Variants in KCNQ1 observed in about 807,000 individuals in gnomAD.
KCNQ1 encodes potassium voltage-gated channel subfamily Q member 1, also known as potassium voltage-gated channel subfamily KQT member 1.
A neutral mutation model predicts 72.4 loss-of-function variants in KCNQ1; 49 were observed. The observed-to-expected ratio is 0.68, with a 90% CI of 0.54 to 0.86. The LOEUF (loss-of-function observed/expected upper bound fraction) is 0.86, where lower values mean the gene tolerates loss of function less well. KCNQ1 is among the 40% of genes least tolerant of loss of function. The probability of loss-of-function intolerance (pLI) is 0.00; values close to 1 mark genes in which losing one functional copy is unlikely to be tolerated. For missense variants in KCNQ1, 790 were observed against 945.1 expected (o/e 0.84, Z 2.15); for synonymous variants, 450 against 412.6 (o/e 1.09, Z -1.10).
At position 2,483,212 on chromosome 11, in the gene KCNQ1, G is replaced by C. The variant is rs570808052; in HGVS notation, c.386+37728G>C. ...AGGGAAGGTGCTGGAGATAGGACGG[G>C]AGGGCCACGAGGGTTAAGATCCTGA... On this transcript the variant is annotated intron_variant, in intron 1 of 15. Transcript: ENST00000155840. This position sits in a 1 kb window ranked among gnomAD's most constrained non-coding sequence, Gnocchi z 6.1. Among the ~76,000 whole-genome samples, 50 of 152,308 alleles carry C rather than the reference G, an allele frequency of 3.3e-4. No homozygotes were observed. Among genetic ancestry groups the C allele is most frequent in the Admixed American group, 1.9e-3 (29 of 15,306 alleles).
At chr11:2,616,430 T>A (rs574697653) in intron 10 of KCNQ1, 3 of 397,920 alleles carry the variant, frequency 7.5e-6, no homozygotes, top group Non-Finnish European at 1.3e-5. Flanking sequence ...ATTCTCTCTT[T>A]TAACTTTAGG....
rs753920071 is a variant in KCNQ1 at position 2,842,313 on chromosome 11, T to G, written c.1795-5454T>G. The stretch of plus-strand genomic sequence containing the variant: ...ACAGGGGGAGCAGCTGGTATGTGTG[T>G]GACCATGGGTCCCAGACTCAGTGCC... On this transcript the variant is annotated intron_variant, in intron 15 of 15. Transcript: ENST00000155840. Among the ~76,000 whole-genome samples the G allele has an allele frequency of 5.3e-5, 8 of 152,214 alleles. No individual in the cohort carries two copies. In the South Asian group the frequency reaches 1.2e-3, roughly 24 times the overall value.
At position 2,818,553 on chromosome 11, in the gene KCNQ1, A is replaced by G. The variant is rs1381884318; in HGVS notation, c.1795-29214A>G. Among the ~76,000 whole-genome samples, 1 of 152,160 alleles carries G rather than the reference A, an allele frequency of 6.6e-6. No homozygotes were observed. Among genetic ancestry groups the G allele is most frequent in the African/African-American group, 2.4e-5 (1 of 41,438 alleles). On this transcript the variant is annotated intron_variant, in intron 15 of 15. Coordinates refer to ENST00000155840, the MANE Select transcript of KCNQ1 (RefSeq NM_000218.3). The surrounding 1 kb of genome is among the most constrained non-coding windows in gnomAD (Gnocchi z 7.2). ...AGGGGCCTAGAAACCCCTCTCCACC[A>G]GATGCCTTACACCCCCCATCCCCAC...
rs151029555 is a variant in KCNQ1 at position 2,507,285 on chromosome 11, C to T, written c.387-20643C>T. Reference sequence around the variant, plus strand: ...TGAGACCTCTTCCTTAGAAGTTCACCCCACTGGCTGGGGCCTTCACGAGGC... The same window carrying T: ...TGAGACCTCTTCCTTAGAAGTTCACTCCACTGGCTGGGGCCTTCACGAGGC... On this transcript the variant is annotated intron_variant, in intron 1 of 15. Coordinates refer to ENST00000155840, the MANE Select transcript of KCNQ1 (RefSeq NM_000218.3). This position sits in a 1 kb window ranked among gnomAD's most constrained non-coding sequence, Gnocchi z 5.4. 3.7e-3 allele frequency among the ~76,000 whole-genome samples: 570 copies of T among 152,258 alleles called. 2 individuals carry two copies. The highest frequency in any genetic ancestry group is 0.013 in the African/African-American group (544 of 41,556).
Position 2,617,770 on chromosome 11 carries a change from T to G in KCNQ1, c.1393+28916T>G. ...ATCGCATAGTAATTTTGATTTGCAT[T>G]TCCCTGACGATTAGTGATGTTAAAT... On this transcript the variant is annotated intron_variant, in intron 10 of 15. Transcript: ENST00000155840. The surrounding 1 kb of genome is among the most constrained non-coding windows in gnomAD (Gnocchi z 4.6). The G allele has an allele frequency of 2.5e-6, 1 of 398,594 alleles. No homozygotes were observed. Among genetic ancestry groups the G allele is most frequent in the African/African-American group, 2.1e-5 (1 of 48,758 alleles). The allele number at this position is 398,594 out of a possible 1,614,324, so 24.7% of individuals were successfully genotyped here. A position where few individuals can be genotyped will look rare whatever the true frequency, so the allele number is the denominator to read the frequency against.
chr11:2,675,626 T>TATTAGACC, intron 11 of KCNQ1: 1 of 398,628 alleles, frequency 2.5e-6, no homozygotes. Flanking sequence ...AGAGCACCCC[T>TATTAGACC]TATTAGAGGG....
rs760099010 is a variant in KCNQ1 at position 2,457,853 on chromosome 11, G to A, written c.386+12369G>A. On this transcript the variant is annotated intron_variant, in intron 1 of 15. Coordinates refer to ENST00000155840, the MANE Select transcript of KCNQ1 (RefSeq NM_000218.3). This position sits in a 1 kb window ranked among gnomAD's most constrained non-coding sequence, Gnocchi z 5.0. ...ACAGATGTAAGTTAGAAGAGGTTAC[G>A]CAAAAATCCTCCATCCCTGCATTTG... Among the ~76,000 whole-genome samples, 2 of 151,814 alleles carry A rather than the reference G, an allele frequency of 1.3e-5. No homozygotes were observed. The highest frequency in any genetic ancestry group is 1.9e-4 in the East Asian group (1 of 5,156).
intron 15 of KCNQ1, among the ~76,000 whole-genome samples, chr11:2,842,753 C>G (rs570508663): frequency 6.6e-6 from 1 of 152,206 alleles, no homozygotes; most frequent in African/African-American, 2.4e-5. Flanking sequence ...TGCAACTGTA[C>G]GTGCACTCTA....
Position 2,615,159 on chromosome 11 carries a change from G to T in KCNQ1, c.1393+26305G>T, listed in dbSNP as rs1162603051. 5 of 397,832 alleles carry T rather than the reference G, an allele frequency of 1.3e-5. No individual in the cohort carries two copies. In the Admixed American group the frequency reaches 2.2e-4, roughly 18 times the overall value. 24.6% of individuals were successfully genotyped at this position (397,832 alleles called of 1,614,324 possible). A position where few individuals can be genotyped will look rare whatever the true frequency, so the allele number is the denominator to read the frequency against. On this transcript the variant is annotated intron_variant, in intron 10 of 15. Coordinates refer to ENST00000155840, the MANE Select transcript of KCNQ1 (RefSeq NM_000218.3). ...CTATTTTACTCTTTTTGATGCTATT[G>T]TAAGTGGAATTTTAAAAATTGACTT...
chr11:2,638,080 G>A (rs1345963967), intron 10 of KCNQ1: 3 of 152,068 alleles, frequency 2.0e-5, no homozygotes, highest in Non-Finnish European at 4.4e-5. Context: ...GTCTCTGCAC[G>A]TGAGATGGGT....
rs571892728 is a variant in KCNQ1, at chr11:2,628,990, T to A, written c.1394-32971T>A. 1,999 of 398,356 alleles carry A rather than the reference T, an allele frequency of 5.0e-3. 9 individuals carry two copies. Among genetic ancestry groups the A allele is most frequent in the Non-Finnish European group, 7.4e-3 (1,669 of 225,904 alleles). 24.7% of individuals were successfully genotyped at this position (398,356 alleles called of 1,614,324 possible). On this transcript the variant is annotated intron_variant, in intron 10 of 15. Coordinates refer to ENST00000155840, the MANE Select transcript of KCNQ1 (RefSeq NM_000218.3). ...TTGGTTTATTTCTATACCAGTACCA[T>A]AACTTTGAAATATAATTCAAAATAA...
chr11:2,563,877 C>T lies in KCNQ1; in HGVS notation c.478-6751C>T, dbSNP rs1261424693. ...ACAAATGGCTTGTGCTTAGCTATTT[C>T]GTTGAATGCTGAACTAACAATAGTC... On this transcript the variant is annotated intron_variant, in intron 2 of 15. Transcript: ENST00000155840. This position sits in a 1 kb window ranked among gnomAD's most constrained non-coding sequence, Gnocchi z 7.4. 6.6e-6 allele frequency among the ~76,000 whole-genome samples: 1 copy of T among 152,224 alleles called. No homozygotes were observed. Among genetic ancestry groups the T allele is most frequent in the Admixed American group, 6.5e-5 (1 of 15,284 alleles).
At position 2,483,745 on chromosome 11, in the gene KCNQ1, G is replaced by A. The variant is rs116610991; in HGVS notation, c.386+38261G>A. 4.7e-3 allele frequency among the ~76,000 whole-genome samples: 713 copies of A among 152,328 alleles called. 3 individuals are homozygous for A. The highest frequency in any genetic ancestry group is 0.016 in the African/African-American group (683 of 41,568). On this transcript the variant is annotated intron_variant, in intron 1 of 15. Coordinates refer to ENST00000155840, the MANE Select transcript of KCNQ1 (RefSeq NM_000218.3). The surrounding 1 kb of genome is among the most constrained non-coding windows in gnomAD (Gnocchi z 6.1). The stretch of plus-strand genomic sequence containing the variant: ...CCCGAGGAGTCCCTGTGGCAGGGCT[G>A]TGTGAGGTCAGCATGTCTTAGGGCG...
At chr11:2,736,898 G>A (rs1315576281) in intron 11 of KCNQ1, among the ~76,000 whole-genome samples, 4 of 152,188 alleles carry the variant, frequency 2.6e-5, no homozygotes, top group Non-Finnish European at 5.9e-5. Context: ...GTGGCGCAGA[G>A]CCTGGGCCTG....
chr11:2,755,251 T>G (rs1483382496), intron 11 of KCNQ1, among the ~76,000 whole-genome samples: 8 of 151,990 alleles, frequency 5.3e-5, no homozygotes, highest in South Asian at 2.1e-4. Flanking sequence ...TGTTGTTGTT[T>G]TTGTTGTTGT....
In KCNQ1 at chr11:2,481,360, T is replaced by TGC. The variant is rs1846648266; in HGVS notation, c.386+35882_386+35883dup. On this transcript the variant is annotated intron_variant, in intron 1 of 15. Coordinates refer to ENST00000155840, the MANE Select transcript of KCNQ1 (RefSeq NM_000218.3). This position sits in a 1 kb window ranked among gnomAD's most constrained non-coding sequence, Gnocchi z 4.6. ...TAGTCTTTTTCTCGGCGTGTGTGTG[T>TGC]GCGCGCGTGCATGCACATGTTTCTA... 2.6e-5 allele frequency among the ~76,000 whole-genome samples: 4 copies of TGC among 152,306 alleles called. No homozygotes were observed. Among genetic ancestry groups the TGC allele is most frequent in the South Asian group, 4.1e-4 (2 of 4,832 alleles).
At chr11:2,606,451 G>T (rs1325617015) in intron 10 of KCNQ1, among the ~76,000 whole-genome samples, 1 of 152,108 alleles carries the variant, frequency 6.6e-6, no homozygotes, top group Non-Finnish European at 1.5e-5. Flanking sequence ...TCTTACTCTG[G>T]TAGTTTATGC....
intron 10 of KCNQ1, chr11:2,625,017 CTG>C (rs1447176080): frequency 1.0e-5 from 4 of 398,404 alleles, no homozygotes; most frequent in African/African-American, 8.2e-5. Flanking sequence ...GATGTTTTAA[CTG>C]TTGTAAATAA....
At chr11:2,706,755 T>G (rs1195800410) in intron 11 of KCNQ1, among the ~76,000 whole-genome samples, 1 of 152,160 alleles carries the variant, frequency 6.6e-6, no homozygotes, top group East Asian at 1.9e-4. Context: ...TAGCATGTCT[T>G]TGCTCTTGCA....
Sources: gnomAD v4.1 joint callset for allele counts (sites outside exome capture counted in the v4.1 genomes callset) on GRCh38, gnomAD v4.1.1 for gene constraint, Gnocchi (gnomAD v3.1) non-coding constraint, MANE v1.5 for transcripts, NCBI Gene and HGNC (gene_info 2026-07-23, HGNC 2026-07-21) for gene names.